The following BCKDHB variants were observed in gnomAD, a reference collection of about 807,000 sequenced individuals.
BCKDHB encodes the protein branched chain keto acid dehydrogenase E1 subunit beta, also known as 2-oxoisovalerate dehydrogenase subunit beta, mitochondrial.
A neutral mutation model predicts 48.5 loss-of-function variants in BCKDHB; 41 were observed. The ratio of observed to expected loss-of-function variants is 0.85; its 90% CI spans 0.66 to 1.10. The LOEUF is 1.10. Among genes scored for constraint, BCKDHB ranks in the 50% least tolerant of loss-of-function variants. The probability of loss-of-function intolerance (pLI) is 0.00; values close to 1 mark genes in which losing one functional copy is unlikely to be tolerated. For synonymous variants in BCKDHB, 201 were observed against 174.8 expected, an observed-to-expected ratio of 1.15 and a Z score of -1.18; for missense variants, 496 against 494.2, an observed-to-expected ratio of 1.00 and a Z score of -0.03.
chr6:80,309,860 C>G (rs971351160), intron 9 of BCKDHB, among the ~76,000 whole-genome samples: 12 of 152,168 alleles, frequency 7.9e-5, no homozygotes, highest in African/African-American at 2.9e-4. Flanking sequence ...TCCTGCCAAC[C>G]TCAGCCCTCA....
the BCKDHB span, among the ~76,000 whole-genome samples, chr6:80,407,893 T>G: frequency 6.6e-6 from 1 of 152,344 alleles, no homozygotes; most frequent in South Asian, 2.1e-4. Context: ...AACACTGTGT[T>G]GAATAGGAGT....
intron 8 of BCKDHB, among the ~76,000 whole-genome samples, chr6:80,210,154 A>C (rs942086301): frequency 4.8e-5 from 7 of 146,890 alleles, no homozygotes; most frequent in Admixed American, 1.4e-4. Context: ...AAAAAAAAAA[A>C]CCAGAAGCGT....
intron 8 of BCKDHB, among the ~76,000 whole-genome samples, chr6:80,242,748 G>T (rs1776440368): frequency 6.6e-6 from 1 of 152,160 alleles, no homozygotes; most frequent in African/African-American, 2.4e-5. Context: ...GGAGTGTGGT[G>T]CTGGCTGTTA....
intron 1 of BCKDHB, among the ~76,000 whole-genome samples, chr6:80,116,812 T>G (rs1039266190): frequency 3.9e-5 from 6 of 152,244 alleles, no homozygotes; most frequent in Non-Finnish European, 8.8e-5. Flanking sequence ...TGTGATTGCA[T>G]AATTAGGTAA....
At position 80,273,212 on chromosome 6, in the gene BCKDHB, TAC is replaced by T. The variant is rs1460696272; in HGVS notation, c.1031_1032del (p.Thr344SerfsTer20). The T allele has an allele frequency of 6.2e-7, 1 of 1,613,318 alleles. No individual in the cohort carries two copies. The highest frequency in any genetic ancestry group is 8.5e-7 in the Non-Finnish European group (1 of 1,179,480). ...GCGGCTTTGCATCGGAAATCAGCTC[TAC>T]AGTTCAGGTAGAGTAATTTTTGGAA... ...TGGFASEISS[T>X]VQEECFLNLE... On this transcript the variant is annotated frameshift_variant, in exon 9 of 10. Coordinates refer to ENST00000320393, the MANE Select transcript of BCKDHB (RefSeq NM_183050.4). LOFTEE classifies it high-confidence loss of function.
At chr6:80,267,869 G>T (rs1418452649) in intron 8 of BCKDHB, among the ~76,000 whole-genome samples, 2 of 151,898 alleles carry the variant, frequency 1.3e-5, no homozygotes, top group African/African-American at 4.8e-5. Context: ...TTGTCTTTGT[G>T]CTCTGCTTGT....
At chr6:80,111,968 G>A (rs558282684) in intron 1 of BCKDHB, among the ~76,000 whole-genome samples, 10 of 152,082 alleles carry the variant, frequency 6.6e-5, no homozygotes, top group Admixed American at 6.5e-4. Flanking sequence ...CATACATACT[G>A]TGCAATGAAG....
At chr6:80,381,913 CCTAA>C in the BCKDHB span, among the ~76,000 whole-genome samples, 7 of 152,068 alleles carry the variant, frequency 4.6e-5, no homozygotes, top group Admixed American at 3.3e-4. Context: ...CTGATTAAAA[CCTAA>C]AACCTAAAAC....
At chr6:80,139,765 T>C (rs897340985) in intron 3 of BCKDHB, among the ~76,000 whole-genome samples, 4 of 152,108 alleles carry the variant, frequency 2.6e-5, no homozygotes, top group East Asian at 1.9e-4. Flanking sequence ...TCTTTTGGCT[T>C]AGGATTGACT....
the BCKDHB span, among the ~76,000 whole-genome samples, chr6:80,448,759 A>G: frequency 6.6e-6 from 1 of 152,154 alleles, no homozygotes; most frequent in Non-Finnish European, 1.5e-5. Context: ...GTGCTGAAGT[A>G]TTTTAAAGAG....
intron 9 of BCKDHB, among the ~76,000 whole-genome samples, chr6:80,323,716 T>C (rs976199377): frequency 2.6e-5 from 4 of 152,342 alleles, no homozygotes; most frequent in African/African-American, 9.6e-5. Context: ...TTCTTCACAC[T>C]GATTGTGCTG....
chr6:80,308,347 A>G (rs1021439524), intron 9 of BCKDHB, among the ~76,000 whole-genome samples: 1 of 152,080 alleles, frequency 6.6e-6, no homozygotes, highest in Non-Finnish European at 1.5e-5. Context: ...ATATTCCTCT[A>G]TTTTTGACCA....
At chr6:80,437,981 A>G in the BCKDHB span, among the ~76,000 whole-genome samples, 1 of 152,172 alleles carries the variant, frequency 6.6e-6, no homozygotes, top group East Asian at 1.9e-4. Flanking sequence ...TGTCCTGTGT[A>G]TCTCGCAGAT....
chr6:80,176,993 G>A (rs1413956199), intron 6 of BCKDHB, among the ~76,000 whole-genome samples: 1 of 152,148 alleles, frequency 6.6e-6, no homozygotes. Context: ...GGGAGGCTGA[G>A]GTGGGAGGAT....
chr6:80,236,168 CCTCTT>C (rs3841150), intron 8 of BCKDHB, among the ~76,000 whole-genome samples: 78,452 of 151,266 alleles, frequency 0.52, 20,593 homozygotes, highest in East Asian at 0.68. Context: ...TGAATTATTG[CCTCTT>C]CTCTTTAACT....
At chr6:80,333,394 G>A (rs1769420265) in intron 9 of BCKDHB, among the ~76,000 whole-genome samples, 1 of 152,132 alleles carries the variant, frequency 6.6e-6, no homozygotes, top group Non-Finnish European at 1.5e-5. Flanking sequence ...TATCTGTGTG[G>A]TTACTATTTA....
At chr6:80,290,376 C>T (rs1452452808) in intron 9 of BCKDHB, among the ~76,000 whole-genome samples, 2 of 152,322 alleles carry the variant, frequency 1.3e-5, no homozygotes, top group Admixed American at 6.5e-5. Flanking sequence ...ACAAAAGAAA[C>T]ATGGGCACAG....
chr6:80,154,515 C>T (rs1382319965), intron 3 of BCKDHB, among the ~76,000 whole-genome samples: 2 of 152,096 alleles, frequency 1.3e-5, no homozygotes, highest in Non-Finnish European at 2.9e-5. Flanking sequence ...TGACAAACAG[C>T]ACTTTGTTCA....
the BCKDHB span, among the ~76,000 whole-genome samples, chr6:80,351,645 CTTTT>C: frequency 8.2e-6 from 1 of 122,070 alleles, no homozygotes. Context: ...TTTTTTTTTT[CTTTT>C]TTTTTTTTTT....
Sources: allele counts gnomAD v4.1 joint callset (sites outside exome capture counted in the v4.1 genomes callset), GRCh38; gene constraint gnomAD v4.1.1; transcripts MANE v1.5; gene names NCBI Gene and HGNC (gene_info 2026-07-23, HGNC 2026-07-21).